RPGRIP1: variants seen among roughly 807,000 people sequenced by gnomAD.
RPGRIP1 encodes X-linked retinitis pigmentosa GTPase regulator-interacting protein 1.
Under a neutral mutation model 157.9 loss-of-function variants are expected in RPGRIP1, and 128 were observed. The ratio of observed to expected loss-of-function variants is 0.81; its 90% CI spans 0.70 to 0.94. The LOEUF (loss-of-function observed/expected upper bound fraction) is 0.94. Among genes scored for constraint, RPGRIP1 ranks in the 40% least tolerant of loss-of-function variants. The probability of loss-of-function intolerance (pLI) is 0.00; values close to 1 mark genes in which losing one functional copy is unlikely to be tolerated. For synonymous variants in RPGRIP1, 554 were observed against 571.6 expected (o/e 0.97, Z 0.44); for missense variants, 1,486 against 1,545.8 (o/e 0.96, Z 0.65).
intron 2 of RPGRIP1, among the ~76,000 whole-genome samples, chr14:21,289,277 G>A (rs771818688): frequency 6.6e-6 from 1 of 151,968 alleles, no homozygotes; most frequent in Non-Finnish European, 1.5e-5. Context: ...GCAGTGAGCC[G>A]AGATCGCACC....
chr14:21,350,391 A>AAAAAAAAAAAAAAAAAAC (rs61359212), intron 24 of RPGRIP1, among the ~76,000 whole-genome samples: 2 of 142,790 alleles, frequency 1.4e-5, no homozygotes, highest in African/African-American at 5.3e-5. Context: ...AAAAAAAAAA[A>AAAAAAAAAAAAAAAAAAC]AAAAAGAAAA....
At position 21,343,002 on chromosome 14, in the gene RPGRIP1, C is replaced by T. The variant is rs746363628; in HGVS notation, c.3340-34C>T. 3.2e-6 allele frequency: 5 copies of T among 1,560,130 alleles called. No homozygotes were observed. The South Asian group carries it at 5.7e-5, about 18-fold the overall frequency. ...GTATAAGCACTTGGAGCCTCACTAA[C>T]CTTTAGGAACTAAATAAACATTTTC... On this transcript the variant is annotated intron_variant, in intron 21 of 24. Coordinates refer to ENST00000400017, the MANE Select transcript of RPGRIP1 (RefSeq NM_020366.4).
chr14:21,283,139 CATCCCT>C (rs1880190722), intron 1 of RPGRIP1, among the ~76,000 whole-genome samples: 1 of 152,142 alleles, frequency 6.6e-6, no homozygotes, highest in Admixed American at 6.6e-5. Context: ...AGAACAACAG[CATCCCT>C]TCTACTACAG....
intron 14 of RPGRIP1, 89 bp downstream of exon 14, chr14:21,322,093 C>T (rs1354688459): frequency 9.5e-7 from 1 of 1,053,902 alleles, no homozygotes; most frequent in Non-Finnish European, 1.4e-6. Flanking sequence ...AAGAAGGGTG[C>T]CTCTCATACC....
At chr14:21,326,222 C>T (rs898824627) in intron 17 of RPGRIP1, 49 bp downstream of exon 17, 2 of 1,229,588 alleles carry the variant, frequency 1.6e-6, no homozygotes, top group African/African-American at 3.0e-5. Flanking sequence ...CCAGTGTTGT[C>T]TCCCTGTCCT....
At chr14:21,298,323 A>C (rs1880880431) in intron 3 of RPGRIP1, among the ~76,000 whole-genome samples, 2 of 152,030 alleles carry the variant, frequency 1.3e-5, no homozygotes, top group Admixed American at 1.3e-4. Flanking sequence ...AACGTGGTGA[A>C]ACCCCGTCTC....
chr14:21,300,508 T>G (rs1294912402), intron 3 of RPGRIP1, among the ~76,000 whole-genome samples: 1 of 152,068 alleles, frequency 6.6e-6, no homozygotes, highest in Non-Finnish European at 1.5e-5. Context: ...ATAAAGGAGT[T>G]ATCCTTAATT....
At chr14:21,283,717 G>A (rs1349708231) in intron 1 of RPGRIP1, among the ~76,000 whole-genome samples, 1 of 151,796 alleles carries the variant, frequency 6.6e-6, no homozygotes, top group Non-Finnish European at 1.5e-5. Flanking sequence ...GAGTGCAGTG[G>A]CACGATCTTG....
Position 21,328,417 on chromosome 14 carries a change from T to C in RPGRIP1, c.2896-7T>C. 1 of 1,598,490 alleles carries C rather than the reference T, an allele frequency of 6.3e-7. No individual in the cohort carries two copies. On this transcript the variant is annotated splice_polypyrimidine_tract_variant and splice_region_variant and intron_variant, in intron 18 of 24. Coordinates refer to ENST00000400017, the MANE Select transcript of RPGRIP1 (RefSeq NM_020366.4). ...CTTGTAATGCTATCTCTGATCTTTC[T>C]ATTCAGGATCAGATGGCATCTCCTG...
chr14:21,320,548 C>T (rs1431542391), intron 12 of RPGRIP1, among the ~76,000 whole-genome samples: 4 of 151,344 alleles, frequency 2.6e-5, no homozygotes, highest in Admixed American at 1.3e-4. Context: ...ACCTCGGCCT[C>T]CCAAAGTGCT....
intron 3 of RPGRIP1, among the ~76,000 whole-genome samples, chr14:21,297,229 G>A (rs1447228232): frequency 2.0e-5 from 3 of 151,874 alleles, no homozygotes; most frequent in African/African-American, 7.3e-5. Context: ...CAAGTAACTG[G>A]GATTACAAGC....
chr14:21,330,066 C>T (rs922474912), intron 19 of RPGRIP1, among the ~76,000 whole-genome samples, 183 bp from the exon 20 acceptor site: 11 of 150,598 alleles, frequency 7.3e-5, no homozygotes, highest in African/African-American at 1.5e-4. Flanking sequence ...TGCAGTGAGC[C>T]GAGATGGTGC....
At chr14:21,297,841 C>CTTTCTTTCT (rs1880852980) in intron 3 of RPGRIP1, among the ~76,000 whole-genome samples, 5 of 145,720 alleles carry the variant, frequency 3.4e-5, no homozygotes, top group Non-Finnish European at 7.5e-5. Context: ...ATTATTCTTT[C>CTTTCTTTCT]TTTCTTTCTT....
rs1017455134 is a variant in RPGRIP1 at position 21,320,123 on chromosome 14, G to A, written c.1413G>A (p.Arg471=). Residue 471 remains arginine, a synonymous_variant, in exon 12 of 25, where the codon AGG becomes AGA. Coordinates refer to ENST00000400017, the MANE Select transcript of RPGRIP1 (RefSeq NM_020366.4). ...NAATISQPPD[R]QSEPATHPAV... ...CCACAATTTCCCAACCTCCTGACAG[G>A]CAATCTGAACCAGCCACTCACCCAG... 6.2e-7 allele frequency: 1 copy of A among 1,613,778 alleles called. No homozygotes were observed. Among genetic ancestry groups the A allele is most frequent in the Non-Finnish European group, 8.5e-7 (1 of 1,179,830 alleles).
At chr14:21,320,565 A>G (rs1882320321) in intron 12 of RPGRIP1, among the ~76,000 whole-genome samples, 1 of 146,670 alleles carries the variant, frequency 6.8e-6, no homozygotes, top group Non-Finnish European at 1.5e-5. Flanking sequence ...TGCTGGGATT[A>G]CAGGCGTAAG....
chr14:21,280,639 TC>T (rs1949662198), intron 1 of RPGRIP1, among the ~76,000 whole-genome samples: 1 of 152,140 alleles, frequency 6.6e-6, no homozygotes, highest in Admixed American at 6.6e-5. Context: ...CTTAACTCTA[TC>T]TCACGTCCAA....
chr14:21,285,797 A>T (rs1444917074), intron 1 of RPGRIP1, among the ~76,000 whole-genome samples: 1 of 151,926 alleles, frequency 6.6e-6, no homozygotes, highest in Non-Finnish European at 1.5e-5. Context: ...TGTAATGAAA[A>T]GCCATTTGGA....
intron 21 of RPGRIP1, among the ~76,000 whole-genome samples, chr14:21,342,592 T>C (rs1885128499): frequency 6.6e-6 from 1 of 152,058 alleles, no homozygotes; most frequent in South Asian, 2.1e-4. Flanking sequence ...ATTTATTTAT[T>C]TGTATATAAT....
chr14:21,349,068 ATTTTTTTTT>A (rs397709409), intron 24 of RPGRIP1, among the ~76,000 whole-genome samples: 2 of 113,418 alleles, frequency 1.8e-5, no homozygotes, highest in Non-Finnish European at 3.3e-5. Flanking sequence ...CCTTACTACA[ATTTTTTTTT>A]TTTTTTTTTT....
Sources: gnomAD v4.1 joint callset for allele counts (sites outside exome capture counted in the v4.1 genomes callset) on GRCh38, gnomAD v4.1.1 for gene constraint, MANE v1.5 for transcripts, NCBI Gene and HGNC (gene_info 2026-07-23, HGNC 2026-07-21) for gene names.